The following TANC2 variants were observed in gnomAD, a reference collection of about 807,000 sequenced individuals.
TANC2 encodes the protein protein TANC2.
In TANC2, 26 loss-of-function variants were observed where a neutral mutation model predicts 210.5. That is an observed-to-expected ratio of 0.12 (90% CI 0.09 to 0.17). TANC2 has a LOEUF of 0.17. TANC2 is among the 10% of genes least tolerant of loss of function. The probability of loss-of-function intolerance (pLI) is 1.00; values close to 1 mark genes in which losing one functional copy is unlikely to be tolerated. For missense variants in TANC2, 2,129 were observed against 2,608.9 expected (o/e 0.82, Z 4.01); for synonymous variants, 931 against 967.1 (o/e 0.96, Z 0.69).
intron 3 of TANC2, among the ~76,000 whole-genome samples, chr17:63,086,397 G>A (rs898405592): frequency 6.6e-6 from 1 of 151,786 alleles, no homozygotes; most frequent in African/African-American, 2.4e-5. Flanking sequence ...TCTTTTTTCT[G>A]TTTGCTTTTC....
chr17:63,254,386 G>A (rs2043132394), intron 8 of TANC2, among the ~76,000 whole-genome samples: 1 of 151,620 alleles, frequency 6.6e-6, no homozygotes, highest in African/African-American at 2.4e-5. Context: ...AAAATCTTTG[G>A]GTTTTTTAAA....
At chr17:63,078,181 C>G (rs1323121824) in intron 3 of TANC2, among the ~76,000 whole-genome samples, 2 of 152,072 alleles carry the variant, frequency 1.3e-5, no homozygotes, top group Admixed American at 1.3e-4. Context: ...AATGTGAATT[C>G]AAGTTATTTA....
At chr17:63,247,613 C>G (rs2042952960) in intron 8 of TANC2, among the ~76,000 whole-genome samples, 1 of 151,898 alleles carries the variant, frequency 6.6e-6, no homozygotes, top group African/African-American at 2.4e-5. Flanking sequence ...AATTGTCTTC[C>G]CATAATGTTA....
At chr17:63,193,810 T>G (rs955882454) in intron 5 of TANC2, 181 bp from the exon 6 acceptor site, 7 of 577,858 alleles carry the variant, frequency 1.2e-5, no homozygotes, top group Admixed American at 4.2e-5. Context: ...TCGTGTAAAT[T>G]TTTTACTTGG....
intron 9 of TANC2, among the ~76,000 whole-genome samples, chr17:63,300,780 G>A (rs889409232): frequency 3.9e-5 from 6 of 152,052 alleles, no homozygotes; most frequent in Non-Finnish European, 2.9e-5. Context: ...TCTTTCTCTT[G>A]CCTGATTGCC....
At chr17:63,042,083 G>A (rs1244044412) in intron 2 of TANC2, among the ~76,000 whole-genome samples, 1 of 152,134 alleles carries the variant, frequency 6.6e-6, no homozygotes, top group Non-Finnish European at 1.5e-5. Flanking sequence ...CTGGAATATA[G>A]TTGCAAATTA....
chr17:63,406,873 A>C (rs73992114), intron 21 of TANC2, among the ~76,000 whole-genome samples: 1,576 of 152,310 alleles, frequency 0.01, 40 homozygotes, highest in African/African-American at 0.034. Context: ...GTGGCTGCTG[A>C]TGATGGACCT....
At chr17:63,413,462 T>C in intron 24 of TANC2, 81 bp from the exon 25 acceptor site, 1 of 1,097,636 alleles carries the variant, frequency 9.1e-7, no homozygotes, top group South Asian at 1.5e-5. Flanking sequence ...GAAATTCCCC[T>C]AGGGTATTTT....
intron 1 of TANC2, among the ~76,000 whole-genome samples, chr17:62,986,441 C>T (rs150497957): frequency 1.3e-5 from 2 of 152,214 alleles, no homozygotes; most frequent in Non-Finnish European, 2.9e-5. Flanking sequence ...CTGGGGGTGG[C>T]CCATGGGGCT....
intron 1 of TANC2, among the ~76,000 whole-genome samples, chr17:62,997,117 T>C (rs1370392232): frequency 8.0e-6 from 1 of 124,358 alleles, no homozygotes; most frequent in Admixed American, 8.0e-5. Context: ...ACCCAGCCTC[T>C]TTTTTTTTTT....
chr17:63,371,104 T>G (rs1025013324), intron 14 of TANC2, among the ~76,000 whole-genome samples: 5 of 152,140 alleles, frequency 3.3e-5, no homozygotes, highest in Non-Finnish European at 5.9e-5. Flanking sequence ...GGCTTTAGAT[T>G]ATAAGAATTT....
chr17:63,317,507 T>C (rs2045353615), intron 10 of TANC2, among the ~76,000 whole-genome samples: 1 of 152,212 alleles, frequency 6.6e-6, no homozygotes, highest in Non-Finnish European at 1.5e-5. Context: ...AGACCTGTTG[T>C]ATAATTCAGG....
chr17:63,369,756 C>G (rs1487522375), intron 14 of TANC2, among the ~76,000 whole-genome samples: 1 of 151,852 alleles, frequency 6.6e-6, no homozygotes, highest in Non-Finnish European at 1.5e-5. Context: ...GCATGCCCCA[C>G]CATGCCGGGC....
chr17:63,199,431 C>G (rs2041455379), intron 6 of TANC2, among the ~76,000 whole-genome samples: 1 of 151,818 alleles, frequency 6.6e-6, no homozygotes, highest in Non-Finnish European at 1.5e-5. Context: ...CCAGCTTGGC[C>G]AAGACAGTGA....
At chr17:63,367,958 G>A (rs2047158419) in intron 14 of TANC2, among the ~76,000 whole-genome samples, 1 of 152,198 alleles carries the variant, frequency 6.6e-6, no homozygotes, top group Admixed American at 6.5e-5. Context: ...AGTGATGTAT[G>A]GAAGATGAGT....
intron 7 of TANC2, among the ~76,000 whole-genome samples, chr17:63,218,118 T>A (rs1298521771): frequency 6.6e-6 from 1 of 152,088 alleles, no homozygotes; most frequent in Admixed American, 6.5e-5. Context: ...ATCCTGTCTC[T>A]ACAAAAGTTT....
intron 2 of TANC2, among the ~76,000 whole-genome samples, chr17:63,018,550 A>G (rs2034213615): frequency 6.6e-6 from 1 of 151,996 alleles, no homozygotes; most frequent in Admixed American, 6.6e-5. Context: ...ATATAGAGAG[A>G]TCTTGTGTAT....
chr17:63,046,587 C>G (rs2035394479), intron 2 of TANC2, among the ~76,000 whole-genome samples: 3 of 151,208 alleles, frequency 2.0e-5, no homozygotes, highest in African/African-American at 7.3e-5. Flanking sequence ...CTGCCTTGGC[C>G]TCCCAAAGTG....
intron 1 of TANC2, among the ~76,000 whole-genome samples, chr17:62,992,125 CTG>C (rs1325023776): frequency 2.0e-5 from 3 of 152,144 alleles, no homozygotes; most frequent in African/African-American, 4.8e-5. Flanking sequence ...TGTGCAAACA[CTG>C]TATCATTTTA....
Sources: allele counts gnomAD v4.1 joint callset (sites outside exome capture counted in the v4.1 genomes callset), GRCh38; gene constraint gnomAD v4.1.1; transcripts MANE v1.5; gene names NCBI Gene and HGNC (gene_info 2026-07-23, HGNC 2026-07-21).